Variants in NEMP2 observed in about 807,000 individuals in gnomAD.
The protein encoded by NEMP2 is nuclear envelope integral membrane protein 2.
Under a neutral mutation model 54.2 loss-of-function variants are expected in NEMP2, and 53 were observed. That is an observed-to-expected ratio of 0.98 (90% confidence interval 0.78 to 1.23). The LOEUF is 1.23. Among genes scored for constraint, NEMP2 ranks in the 50% most tolerant of loss-of-function variants. NEMP2 has a pLI of 0.00. For synonymous variants in NEMP2, 197 were observed against 190.3 expected, an observed-to-expected ratio of 1.04 and a Z score of -0.29; for missense variants, 455 against 511.3, an observed-to-expected ratio of 0.89 and a Z score of 1.06.
the NEMP2 span, among the ~76,000 whole-genome samples, chr2:190,556,009 G>A: frequency 6.6e-6 from 1 of 152,110 alleles, no homozygotes; most frequent in South Asian, 2.1e-4. Flanking sequence ...CCAAAACCTG[G>A]CAGAGACACA....
the NEMP2 span, chr2:190,444,991 A>G: frequency 2.2e-5 from 7 of 320,510 alleles, no homozygotes; most frequent in African/African-American, 1.6e-4. Flanking sequence ...CAGGCCTCTT[A>G]TTTTACAGCC....
At chr2:190,437,568 A>G in the NEMP2 span, 4 of 1,607,564 alleles carry the variant, frequency 2.5e-6, no homozygotes, top group Non-Finnish European at 3.4e-6. This position sits in a 1 kb window ranked among gnomAD's most constrained non-coding sequence, Gnocchi z 5.9. Flanking sequence ...TCAGGTAAGA[A>G]CATGCTTACG....
chr2:190,548,278 C>T, the NEMP2 span, among the ~76,000 whole-genome samples: 1 of 151,968 alleles, frequency 6.6e-6, no homozygotes. Context: ...TAAAACAATC[C>T]ATTTAAAATT....
the NEMP2 span, among the ~76,000 whole-genome samples, chr2:190,647,014 C>T: frequency 6.6e-6 from 1 of 152,192 alleles, no homozygotes; most frequent in Non-Finnish European, 1.5e-5. Flanking sequence ...GTTGCCTGAA[C>T]ATTACCTTCC....
At chr2:190,438,597 TA>T in the NEMP2 span, among the ~76,000 whole-genome samples, 1 of 152,232 alleles carries the variant, frequency 6.6e-6, no homozygotes, top group African/African-American at 2.4e-5. The surrounding 1 kb of genome is among the most constrained non-coding windows in gnomAD (Gnocchi z 5.2). Context: ...CCTTGCTCTT[TA>T]GAGATCTTTC....
chr2:190,471,714 A>G, the NEMP2 span, among the ~76,000 whole-genome samples: 1 of 152,196 alleles, frequency 6.6e-6, no homozygotes, highest in South Asian at 2.1e-4. This position sits in a 1 kb window ranked among gnomAD's most constrained non-coding sequence, Gnocchi z 4.7. Context: ...GCAGACTTAA[A>G]TGTCCCTGTC....
chr2:190,536,577 A>T (rs938333431), upstream of NEMP2, among the ~76,000 whole-genome samples: 2 of 152,356 alleles, frequency 1.3e-5, no homozygotes, highest in African/African-American at 4.8e-5. Context: ...AGGCAGGACC[A>T]GGAGTGTGAA....
At chr2:190,464,371 G>A in the NEMP2 span, among the ~76,000 whole-genome samples, 1 of 152,164 alleles carries the variant, frequency 6.6e-6, no homozygotes, top group African/African-American at 2.4e-5. Context: ...TGGTGGTGCT[G>A]CTCTTTTGCG....
chr2:190,432,703 C>T, the NEMP2 span, among the ~76,000 whole-genome samples: 4 of 152,122 alleles, frequency 2.6e-5, no homozygotes, highest in Non-Finnish European at 5.9e-5. Flanking sequence ...AGGCGTGAGC[C>T]ACCGCACCTG....
In NEMP2 at chr2:190,529,727, A is replaced by G. The variant is rs1304786116; in HGVS notation, c.98-4349T>C. Among the ~76,000 whole-genome samples the G allele has an allele frequency of 2.0e-5, 3 of 152,168 alleles. No homozygotes were observed. The highest frequency in any genetic ancestry group is 4.4e-5 in the Non-Finnish European group (3 of 68,038). On this transcript the variant is annotated intron_variant, in intron 1 of 8. Transcript: ENST00000409150. This position sits in a 1 kb window ranked among gnomAD's most constrained non-coding sequence, Gnocchi z 4.7. Reference sequence around the variant, plus strand: ...TTATTTAGGCATGTGTGGCCTACCAATGGAAGTCCAGCCAATCTTTGTAAG... The same window carrying G: ...TTATTTAGGCATGTGTGGCCTACCAGTGGAAGTCCAGCCAATCTTTGTAAG...
the NEMP2 span, among the ~76,000 whole-genome samples, chr2:190,595,128 G>A: frequency 1.4e-4 from 22 of 152,192 alleles, no homozygotes; most frequent in East Asian, 3.1e-3. The surrounding 1 kb of genome is among the most constrained non-coding windows in gnomAD (Gnocchi z 4.0). Flanking sequence ...TCTTTGACAA[G>A]CCTGACAAAA....
rs201220758 is a variant in NEMP2, at chr2:190,512,083, CCTT to C, written c.954-1549_954-1547del. Among the ~76,000 whole-genome samples the C allele has an allele frequency of 0.011, 1,718 of 152,106 alleles. 36 individuals carry two copies. The highest frequency in any genetic ancestry group is 0.038 in the African/African-American group (1,577 of 41,502). On this transcript the variant is annotated intron_variant, in intron 7 of 8. Transcript: ENST00000409150. This position sits in a 1 kb window ranked among gnomAD's most constrained non-coding sequence, Gnocchi z 4.5. ...GATCAAGGAAACAGTGATATAATCT[CCTT>C]CTGCTTTTCTGAATACCTGTGCATG... is the stretch of plus-strand genomic sequence containing the variant.
At chr2:190,429,652 C>T in the NEMP2 span, among the ~76,000 whole-genome samples, 1 of 151,962 alleles carries the variant, frequency 6.6e-6, no homozygotes, top group Non-Finnish European at 1.5e-5. Context: ...ATTATTTTTT[C>T]TTCTTTAATG....
At chr2:190,437,113 C>A in the NEMP2 span, 1 of 1,614,208 alleles carries the variant, frequency 6.2e-7, no homozygotes, top group Admixed American at 1.7e-5. This position sits in a 1 kb window ranked among gnomAD's most constrained non-coding sequence, Gnocchi z 5.9. Flanking sequence ...GGGGTGTAAG[C>A]CCCCCGAGTA....
At chr2:190,582,276 A>G in the NEMP2 span, among the ~76,000 whole-genome samples, 399 of 152,182 alleles carry the variant, frequency 2.6e-3, 2 homozygotes, top group African/African-American at 9.0e-3. This position sits in a 1 kb window ranked among gnomAD's most constrained non-coding sequence, Gnocchi z 4.6. Flanking sequence ...TGGAATCAAG[A>G]GCTAGTTTTT....
chr2:190,426,388 TTTTC>T, the NEMP2 span, among the ~76,000 whole-genome samples: 1 of 152,246 alleles, frequency 6.6e-6, no homozygotes, highest in Non-Finnish European at 1.5e-5. The surrounding 1 kb of genome is among the most constrained non-coding windows in gnomAD (Gnocchi z 4.7). Context: ...GTTTTCCATT[TTTTC>T]TTCCATTTCT....
rs991267316 is a variant in NEMP2 at position 190,505,766 on chromosome 2, T to G, written c.*3423A>C. The stretch of plus-strand genomic sequence containing the variant: ...GTGGGATGTTTGTCAATAATGAAGA[T>G]TAGAAAAACAGCAGTCACAGAGAGG... On this transcript the variant is annotated 3_prime_UTR_variant, in exon 9 of 9. Transcript: ENST00000409150. This position sits in a 1 kb window ranked among gnomAD's most constrained non-coding sequence, Gnocchi z 5.8. 1.3e-5 allele frequency: 2 copies of G among 152,112 alleles called. No homozygotes were observed. Among genetic ancestry groups the G allele is most frequent in the African/African-American group, 4.8e-5 (2 of 41,404 alleles). The allele number at this position is 152,112 out of a possible 1,614,324, so 9.4% of individuals were successfully genotyped here.
chr2:190,594,207 T>G, the NEMP2 span, among the ~76,000 whole-genome samples: 1 of 152,188 alleles, frequency 6.6e-6, no homozygotes, highest in Admixed American at 6.5e-5. This position sits in a 1 kb window ranked among gnomAD's most constrained non-coding sequence, Gnocchi z 5.6. Flanking sequence ...CTTCACAAAG[T>G]TGCCTTCTTC....
the NEMP2 span, chr2:190,436,226 A>G: frequency 6.2e-7 from 1 of 1,614,106 alleles, no homozygotes; most frequent in South Asian, 1.1e-5. The surrounding 1 kb of genome is among the most constrained non-coding windows in gnomAD (Gnocchi z 5.3). Flanking sequence ...AAGATAAACA[A>G]CGATCTTCTA....
Sources: allele counts gnomAD v4.1 joint callset (sites outside exome capture counted in the v4.1 genomes callset), GRCh38; gene constraint gnomAD v4.1.1; non-coding constraint Gnocchi (gnomAD v3.1); transcripts MANE v1.5; gene names NCBI Gene and HGNC (gene_info 2026-07-23, HGNC 2026-07-21).